GPC5: variants seen among roughly 807,000 people sequenced by gnomAD.
GPC5 encodes the protein glypican-5.
In GPC5, 47 loss-of-function variants were observed where a neutral mutation model predicts 53.9. That is an observed-to-expected ratio of 0.87 (90% CI 0.69 to 1.11). GPC5 has a LOEUF of 1.11. GPC5 is among the 50% of genes most tolerant of loss of function. The pLI is 0.00. For missense variants in GPC5, 748 were observed against 713.1 expected (o/e 1.05, Z -0.56); for synonymous variants, 286 against 263.3 (o/e 1.09, Z -0.84).
chr13:92,149,876 AT>A (rs893638233), intron 7 of GPC5, among the ~76,000 whole-genome samples: 38 of 151,878 alleles, frequency 2.5e-4, no homozygotes, highest in Non-Finnish European at 2.9e-4. Flanking sequence ...AGTCTCATTG[AT>A]TTTTTTCCTA....
chr13:91,436,591 A>T (rs1273659196), intron 1 of GPC5, among the ~76,000 whole-genome samples: 1 of 152,092 alleles, frequency 6.6e-6, no homozygotes, highest in Non-Finnish European at 1.5e-5. Flanking sequence ...TTTGCTGAGG[A>T]GTGCTTTACT....
intron 3 of GPC5, among the ~76,000 whole-genome samples, chr13:91,702,594 A>G (rs916531441): frequency 1.3e-5 from 2 of 151,902 alleles, no homozygotes; most frequent in African/African-American, 2.4e-5. Flanking sequence ...CCTTATTCTT[A>G]TTGCACAATA....
chr13:92,273,823 G>A (rs1256995585), intron 7 of GPC5, among the ~76,000 whole-genome samples: 1 of 152,088 alleles, frequency 6.6e-6, no homozygotes, highest in Non-Finnish European at 1.5e-5. Flanking sequence ...GAAAATGACA[G>A]TCATAGATGA....
At chr13:91,562,216 T>C (rs1268228062) in intron 2 of GPC5, among the ~76,000 whole-genome samples, 2 of 54,516 alleles carry the variant, frequency 3.7e-5, no homozygotes, top group Non-Finnish European at 7.8e-5. Flanking sequence ...AAAAAAAAAA[T>C]AGAGAATTCA....
chr13:92,187,797 A>C (rs553272053), intron 7 of GPC5, among the ~76,000 whole-genome samples: 1 of 152,356 alleles, frequency 6.6e-6, no homozygotes, highest in South Asian at 2.1e-4. Flanking sequence ...AAAATGCTTC[A>C]TTTAGAATCT....
chr13:92,368,962 G>A (rs2139291515), intron 7 of GPC5, among the ~76,000 whole-genome samples: 1 of 152,254 alleles, frequency 6.6e-6, no homozygotes, highest in South Asian at 2.1e-4. Flanking sequence ...AGTCAAGCAT[G>A]AGTCTATTGC....
At chr13:92,818,461 CCTT>C (rs1877559818) in intron 7 of GPC5, among the ~76,000 whole-genome samples, 1 of 151,966 alleles carries the variant, frequency 6.6e-6, no homozygotes, top group African/African-American at 2.4e-5. Context: ...ATAGATATGT[CCTT>C]CTGCAGGGAA....
At chr13:92,456,843 T>C (rs1293667289) in intron 7 of GPC5, among the ~76,000 whole-genome samples, 1 of 152,200 alleles carries the variant, frequency 6.6e-6, no homozygotes, top group African/African-American at 2.4e-5. Context: ...CTGGATAATG[T>C]TTTTATAATT....
In GPC5 at chr13:92,385,053, A is replaced by G. The variant is rs533195013; in HGVS notation, c.1561+240064A>G. Among the ~76,000 whole-genome samples, 8 of 152,166 alleles carry G rather than the reference A, an allele frequency of 5.3e-5. 1 individual carries two copies. The highest frequency in any genetic ancestry group is 1.9e-4 in the African/African-American group (8 of 41,542). On this transcript the variant is annotated intron_variant, in intron 7 of 7. Transcript: ENST00000377067. ...CTGTATTACAGAATGGCTAAAACAA[A>G]CAATATTTTATTTTTTTCTGTAGAA...
intron 7 of GPC5, among the ~76,000 whole-genome samples, chr13:92,155,838 C>T (rs1440936704): frequency 1.3e-5 from 2 of 152,012 alleles, no homozygotes; most frequent in Admixed American, 6.6e-5. Flanking sequence ...ATGCTTACTG[C>T]CTTTTAGCTC....
At chr13:92,188,919 A>G (rs1593976786) in intron 7 of GPC5, among the ~76,000 whole-genome samples, 1 of 152,200 alleles carries the variant, frequency 6.6e-6, no homozygotes, top group African/African-American at 2.4e-5. Flanking sequence ...TCACGAGGCA[A>G]TCACTGCCCT....
chr13:91,511,592 A>G (rs1885230576), intron 2 of GPC5, among the ~76,000 whole-genome samples: 1 of 152,158 alleles, frequency 6.6e-6, no homozygotes, highest in Non-Finnish European at 1.5e-5. Context: ...CTGATTTCAA[A>G]TGACTTATCT....
At chr13:92,659,314 T>C (rs976489484) in intron 7 of GPC5, 3 of 152,172 alleles carry the variant, frequency 2.0e-5, no homozygotes, top group African/African-American at 7.2e-5. Flanking sequence ...TAGTTTCATA[T>C]ACAATTTGGA....
At chr13:92,608,825 C>T (rs777961224) in intron 7 of GPC5, among the ~76,000 whole-genome samples, 2 of 152,284 alleles carry the variant, frequency 1.3e-5, no homozygotes, top group African/African-American at 4.8e-5. Context: ...GTGCACACTG[C>T]CTAGACTATT....
chr13:91,981,154 A>G (rs2040354007), intron 6 of GPC5, among the ~76,000 whole-genome samples: 1 of 152,208 alleles, frequency 6.6e-6, no homozygotes. Context: ...TTTGGGAGAT[A>G]CTGCTAAACA....
At chr13:91,825,952 G>T (rs762254799) in intron 5 of GPC5, among the ~76,000 whole-genome samples, 2 of 152,072 alleles carry the variant, frequency 1.3e-5, no homozygotes, top group Admixed American at 6.6e-5. Context: ...ATAACAACTG[G>T]CAGGCTAAAA....
intron 2 of GPC5, among the ~76,000 whole-genome samples, chr13:91,509,443 C>T (rs1399325358): frequency 1.4e-5 from 1 of 73,584 alleles, no homozygotes. Context: ...GTGAGATAGT[C>T]ATATTTGCAT....
At chr13:91,801,427 A>G (rs567494203) in intron 5 of GPC5, among the ~76,000 whole-genome samples, 12 of 152,302 alleles carry the variant, frequency 7.9e-5, no homozygotes, top group Admixed American at 2.0e-4. Flanking sequence ...ACAAGCATTC[A>G]TAATTTTTCT....
chr13:92,430,145 G>T (rs1439652804), intron 7 of GPC5, among the ~76,000 whole-genome samples: 2 of 151,870 alleles, frequency 1.3e-5, no homozygotes, highest in Admixed American at 1.3e-4. Flanking sequence ...AAAAAAAAGT[G>T]CTTATATAGC....
Sources: gnomAD v4.1 joint callset for allele counts (sites outside exome capture counted in the v4.1 genomes callset) on GRCh38, gnomAD v4.1.1 for gene constraint, MANE v1.5 for transcripts, NCBI Gene and HGNC (gene_info 2026-07-23, HGNC 2026-07-21) for gene names.